Variants in KIF2C observed in about 807,000 individuals in gnomAD.
KIF2C encodes kinesin-like protein KIF2C.
Under a neutral mutation model 97.4 loss-of-function variants are expected in KIF2C, and 34 were observed. That is an observed-to-expected ratio of 0.35 (90% confidence interval 0.27 to 0.46). KIF2C has a LOEUF of 0.46. Ranked by LOEUF, KIF2C falls within the 20% of genes least tolerant of loss-of-function variation. The pLI, the probability that KIF2C is intolerant of heterozygous loss-of-function variation, is 1.00. For missense variants in KIF2C, 750 were observed against 907.6 expected, an observed-to-expected ratio of 0.83 and a Z score of 2.23; for synonymous variants, 313 against 318.2, an observed-to-expected ratio of 0.98 and a Z score of 0.17.
chr1:44,764,775 C>A (rs1378151720), intron 19 of KIF2C, among the ~76,000 whole-genome samples: 1 of 152,160 alleles, frequency 6.6e-6, no homozygotes, highest in Non-Finnish European at 1.5e-5. Flanking sequence ...TCCCAAAGTG[C>A]TGGGATTACA....
intron 5 of KIF2C, among the ~76,000 whole-genome samples, chr1:44,752,444 T>G (rs1348009696): frequency 6.6e-6 from 1 of 152,206 alleles, no homozygotes. Context: ...ATAAATTGAA[T>G]TTTAAGATTT....
intron 7 of KIF2C, 122 bp downstream of exon 7, chr1:44,753,955 ATTCTTT>A: frequency 5.2e-6 from 1 of 192,992 alleles, no homozygotes; most frequent in African/African-American, 5.8e-5. Context: ...TGAGGCCCCA[ATTCTTT>A]TTTTTTTTTT....
intron 5 of KIF2C, among the ~76,000 whole-genome samples, chr1:44,752,385 C>T (rs1218287054): frequency 7.2e-5 from 11 of 151,932 alleles, no homozygotes; most frequent in African/African-American, 1.5e-4. Context: ...CCGCCCGCCT[C>T]GGCCTCCCAA....
At chr1:44,747,586 G>T in intron 3 of KIF2C, 66 bp from the exon 4 acceptor site, 1 of 1,577,834 alleles carries the variant, frequency 6.3e-7, no homozygotes, top group Admixed American at 1.7e-5. Flanking sequence ...ATAGTACATG[G>T]GCCCAGGATG....
chr1:44,755,797 G>T lies in KIF2C; in HGVS notation c.760-132G>T, dbSNP rs113061537. 757 of 727,640 alleles carry T rather than the reference G, an allele frequency of 1.0e-3. 4 individuals carry two copies. The African/African-American group carries it at 0.011, about 11-fold the overall frequency. The allele number at this position is 727,640 out of a possible 1,614,324, so 45.1% of individuals were successfully genotyped here. On this transcript the variant is annotated intron_variant, in intron 8 of 20. Transcript: ENST00000372224. The stretch of plus-strand genomic sequence containing the variant: ...TGGAGTATCTAATGGAGGATGCAGG[G>T]GTCCTAGTGTTAGATCTTGGCCTCT...
At chr1:44,743,979 G>T (rs1356572649) in intron 2 of KIF2C, among the ~76,000 whole-genome samples, 1 of 151,724 alleles carries the variant, frequency 6.6e-6, no homozygotes, top group Non-Finnish European at 1.5e-5. Context: ...TTTGTTGCTT[G>T]TTTAGAAATA....
chr1:44,753,710 C>A (rs1553155907), intron 6 of KIF2C, 23 bp from the exon 7 acceptor site: 3 of 1,317,192 alleles, frequency 2.3e-6, no homozygotes, highest in East Asian at 2.6e-5. Context: ...CTTTTTTTTT[C>A]TTTTTTTTTT....
intron 2 of KIF2C, among the ~76,000 whole-genome samples, chr1:44,744,280 G>T (rs1649071631): frequency 6.6e-6 from 1 of 152,016 alleles, no homozygotes. Context: ...GCTAATTTTT[G>T]TATTTTTAGT....
intron 16 of KIF2C, 45 bp from the exon 17 acceptor site, chr1:44,761,871 C>G: frequency 6.3e-7 from 1 of 1,582,926 alleles, no homozygotes; most frequent in Non-Finnish European, 8.7e-7. Context: ...ATATAGCATC[C>G]TCACCGTGCC....
chr1:44,747,669 C>G lies in KIF2C; in HGVS notation c.285C>G (p.Ser95=). 6.2e-7 allele frequency: 1 copy of G among 1,613,806 alleles called. No individual in the cohort carries two copies. Among genetic ancestry groups the G allele is most frequent in the Non-Finnish European group, 8.5e-7 (1 of 1,179,832 alleles). ...NVTIQKQKRR[S]VNSKIPAPKE... is the part of the protein sequence containing the mutation. ...TTTTTCAGAAACAAAAACGGAGATC[C>G]GTCAACTCCAAAATTCCTGCTCCAA... is the stretch of plus-strand genomic sequence containing the variant. Residue 95 remains serine, a synonymous_variant, in exon 4 of 21, where the codon TCC becomes TCG. Coordinates refer to ENST00000372224, the MANE Select transcript of KIF2C (RefSeq NM_006845.4).
chr1:44,767,591 C>A lies in KIF2C; in HGVS notation c.*412C>A. On this transcript the variant is annotated 3_prime_UTR_variant, in exon 21 of 21. Coordinates refer to ENST00000372224, the MANE Select transcript of KIF2C (RefSeq NM_006845.4). ...ATCTGCTGGCTCTAAACCTTCTACG[C>A]CTTTGGGCCGAGCACTGAATGTCTT... 1 of 180,430 alleles carries A rather than the reference C, an allele frequency of 5.5e-6. No individual in the cohort carries two copies. The highest frequency in any genetic ancestry group is 1.2e-5 in the Non-Finnish European group (1 of 83,850). 11.2% of individuals were successfully genotyped at this position (180,430 alleles called of 1,614,324 possible).
At chr1:44,759,502 A>G (rs947794551) in intron 14 of KIF2C, among the ~76,000 whole-genome samples, 154 bp downstream of exon 14, 1 of 152,180 alleles carries the variant, frequency 6.6e-6, no homozygotes, top group Admixed American at 6.6e-5. Flanking sequence ...TCAATAAGAC[A>G]TATGACCCCA....
At position 44,757,552 on chromosome 1, in the gene KIF2C, C is replaced by G. The variant is rs767928094; in HGVS notation, c.978-4C>G. On this transcript the variant is annotated splice_polypyrimidine_tract_variant and splice_region_variant and intron_variant, in intron 10 of 20. Coordinates refer to ENST00000372224, the MANE Select transcript of KIF2C (RefSeq NM_006845.4). ...CAGATACAAATACTCTACCCCTCTT[C>G]TAGGTTCACAGCAAGGCCACTGGTA... is the stretch of plus-strand genomic sequence containing the variant. 1 of 1,600,394 alleles carries G rather than the reference C, an allele frequency of 6.2e-7. No homozygotes were observed. Among genetic ancestry groups the G allele is most frequent in the South Asian group, 1.1e-5 (1 of 90,794 alleles).
intron 19 of KIF2C, 137 bp from the exon 20 acceptor site, chr1:44,766,689 G>A: frequency 1.2e-6 from 1 of 837,448 alleles, no homozygotes; most frequent in Non-Finnish European, 1.8e-6. Context: ...TCCTTGGGGA[G>A]AGGGTGAACA....
chr1:44,762,131 G>T (rs1650185389), intron 17 of KIF2C, 148 bp downstream of exon 17: 1 of 867,590 alleles, frequency 1.2e-6, no homozygotes, highest in Non-Finnish European at 1.9e-6. Context: ...CCGCCGTGAT[G>T]CTAGGTCTGT....
At chr1:44,753,619 C>A in intron 6 of KIF2C, 114 bp from the exon 7 acceptor site, 1 of 658,986 alleles carries the variant, frequency 1.5e-6, no homozygotes, top group Non-Finnish European at 2.6e-6. Flanking sequence ...CTAGAGAAGG[C>A]CTCTCCCTGG....
intron 13 of KIF2C, among the ~76,000 whole-genome samples, chr1:44,758,489 C>G (rs769979109): frequency 6.6e-6 from 1 of 152,172 alleles, no homozygotes; most frequent in African/African-American, 2.4e-5. Flanking sequence ...TATATCTCTT[C>G]CACCCCTCTC....
intron 2 of KIF2C, among the ~76,000 whole-genome samples, chr1:44,743,848 T>G (rs188950482): frequency 4.6e-5 from 7 of 152,274 alleles, no homozygotes; most frequent in Admixed American, 2.6e-4. Context: ...ATAGTAGAGA[T>G]ATTTAGGTGG....
intron 2 of KIF2C, among the ~76,000 whole-genome samples, chr1:44,744,286 T>G (rs1230692870): frequency 6.6e-6 from 1 of 152,146 alleles, no homozygotes; most frequent in African/African-American, 2.4e-5. Flanking sequence ...TTTTGTATTT[T>G]TAGTAGAGAC....
Sources: allele counts gnomAD v4.1 joint callset (sites outside exome capture counted in the v4.1 genomes callset), GRCh38; gene constraint gnomAD v4.1.1; transcripts MANE v1.5; gene names NCBI Gene and HGNC (gene_info 2026-07-23, HGNC 2026-07-21).